NFU1: variants seen among roughly 807,000 people sequenced by gnomAD.
The protein encoded by NFU1 is NFU1 iron-sulfur cluster scaffold homolog, mitochondrial.
A neutral mutation model predicts 32.2 loss-of-function variants in NFU1; 30 were observed. The observed-to-expected ratio is 0.93, with a 90% CI of 0.70 to 1.26. NFU1 has a LOEUF of 1.26. NFU1 is among the 50% of genes most tolerant of loss of function. NFU1 has a pLI of 0.00. For missense variants in NFU1, 306 were observed against 306.6 expected (o/e 1.00, Z 0.02); for synonymous variants, 112 against 104.6 (o/e 1.07, Z -0.43).
intron 3 of NFU1, 93 bp downstream of exon 3, chr2:69,423,489 T>C (rs528941047): frequency 6.0e-5 from 70 of 1,172,526 alleles, no homozygotes; most frequent in African/African-American, 5.8e-4. Flanking sequence ...GCAGTGCACA[T>C]AGAAATGCAA....
At chr2:69,409,651 A>C (rs1394774761) in intron 5 of NFU1, among the ~76,000 whole-genome samples, 1 of 152,212 alleles carries the variant, frequency 6.6e-6, no homozygotes, top group Non-Finnish European at 1.5e-5. Context: ...CCATGGAAGA[A>C]GAAGGGGAGC....
At chr2:69,407,320 T>C (rs987508973) in intron 5 of NFU1, among the ~76,000 whole-genome samples, 1 of 152,144 alleles carries the variant, frequency 6.6e-6, no homozygotes, top group Non-Finnish European at 1.5e-5. Context: ...GGAGATTTCA[T>C]ATTACGTTAT....
chr2:69,416,877 G>A (rs942540233), intron 4 of NFU1, among the ~76,000 whole-genome samples: 11 of 152,084 alleles, frequency 7.2e-5, no homozygotes, highest in African/African-American at 2.7e-4. Flanking sequence ...CAGCCTGGGC[G>A]ACGGAGTGAG....
rs2104821589 is a variant in NFU1 at position 69,434,910 on chromosome 2, TA to T, written c.62+2450del. Among the ~76,000 whole-genome samples, 3 of 152,222 alleles carry T rather than the reference TA, an allele frequency of 2.0e-5. No individual in the cohort carries two copies. In the East Asian group the frequency reaches 5.8e-4, roughly 29 times the overall value. ...TGCTGACTGGTTGGGGATGCAATCA[TA>T]GGGGTGCGGAAAATGATCCTCCTGA... is the stretch of plus-strand genomic sequence containing the variant. On this transcript the variant is annotated intron_variant, in intron 1 of 7. Coordinates refer to ENST00000410022, the MANE Select transcript of NFU1 (RefSeq NM_001002755.4).
In NFU1 at chr2:69,431,730, TAC is replaced by T. The variant is rs573991427; in HGVS notation, c.166+170_166+171del. Among the ~76,000 whole-genome samples the T allele has an allele frequency of 2.9e-3, 445 of 152,360 alleles. 3 individuals carry two copies. Among genetic ancestry groups the T allele is most frequent in the African/African-American group, 8.4e-3 (350 of 41,588 alleles). On this transcript the variant is annotated intron_variant, in intron 2 of 7. Transcript: ENST00000410022. ...ATCTATTGGACAATATCCTTGCAAATACATTTTCTACTTAGAAGCCTATAAGA... is the reference window on the plus strand; with the variant it reads ...ATCTATTGGACAATATCCTTGCAAATATTTTCTACTTAGAAGCCTATAAGA...
At chr2:69,418,177 ATTGT>A (rs1673118765) in intron 4 of NFU1, among the ~76,000 whole-genome samples, 1 of 152,180 alleles carries the variant, frequency 6.6e-6, no homozygotes, top group African/African-American at 2.4e-5. Flanking sequence ...AGGTGAGCAG[ATTGT>A]TTGAGCTCAG....
intron 5 of NFU1, among the ~76,000 whole-genome samples, chr2:69,413,338 T>TTA (rs1553399300): frequency 4.4e-5 from 6 of 137,136 alleles, no homozygotes; most frequent in African/African-American, 8.0e-5. Flanking sequence ...AACATACGGG[T>TTA]AAAAAAAAAA....
chr2:69,438,895 A>AC (rs1158360032), upstream of NFU1, among the ~76,000 whole-genome samples: 3 of 27,402 alleles, frequency 1.1e-4, no homozygotes, highest in East Asian at 1.4e-3. Context: ...CCCCCATCCA[A>AC]CCCCCCACCC....
At chr2:69,398,628 A>G (rs910998498) in intron 7 of NFU1, among the ~76,000 whole-genome samples, 2 of 152,210 alleles carry the variant, frequency 1.3e-5, no homozygotes, top group African/African-American at 2.4e-5. Flanking sequence ...TGTCCTACAC[A>G]TATCTTCTGA....
At chr2:69,429,394 T>C (rs1673565107) in intron 2 of NFU1, among the ~76,000 whole-genome samples, 1 of 151,724 alleles carries the variant, frequency 6.6e-6, no homozygotes, top group South Asian at 2.1e-4. Flanking sequence ...ATCCTGTCTC[T>C]ACAAAAAAAT....
chr2:69,408,340 G>A (rs1383188456), intron 5 of NFU1, among the ~76,000 whole-genome samples: 1 of 151,990 alleles, frequency 6.6e-6, no homozygotes, highest in Admixed American at 6.6e-5. Flanking sequence ...ATATAGATTT[G>A]TCTTTGCCAG....
At chr2:69,433,687 G>C (rs1673728665) in intron 1 of NFU1, among the ~76,000 whole-genome samples, 1 of 152,136 alleles carries the variant, frequency 6.6e-6, no homozygotes, top group South Asian at 2.1e-4. Flanking sequence ...CGTTGGCCAG[G>C]CTGATCTCCA....
intron 2 of NFU1, among the ~76,000 whole-genome samples, chr2:69,428,058 A>G (rs1673523861): frequency 6.6e-6 from 1 of 152,064 alleles, no homozygotes; most frequent in Non-Finnish European, 1.5e-5. Context: ...GAACCTTCTG[A>G]GTAAAAAGAA....
intron 5 of NFU1, 143 bp from the exon 6 acceptor site, chr2:69,406,225 A>G (rs914690216): frequency 2.1e-5 from 13 of 607,670 alleles, no homozygotes; most frequent in Non-Finnish European, 3.2e-5. Context: ...GTATGGAGAT[A>G]TATTTTGGGA....
Position 69,397,721 on chromosome 2 carries a change from C to T in NFU1, c.721-1431G>A, listed in dbSNP as rs753154776. 2.6e-5 allele frequency among the ~76,000 whole-genome samples: 4 copies of T among 151,656 alleles called. No homozygotes were observed. In the East Asian group the frequency reaches 5.8e-4, roughly 22 times the overall value. On this transcript the variant is annotated intron_variant, in intron 7 of 7. Transcript: ENST00000410022. ...TGAGGTCAAGAGTTCAAGACCAGCC[C>T]GGTCAACATGGCGAAACCCCCATCT...
At chr2:69,437,439 T>A (rs1169332419), upstream of NFU1, 3 of 1,609,656 alleles carry the variant, frequency 1.9e-6, no homozygotes, top group East Asian at 2.2e-5. Context: ...CCGGAGTGCC[T>A]AAGGGTCTCC....
intron 3 of NFU1, among the ~76,000 whole-genome samples, chr2:69,423,373 G>A (rs1673330976): frequency 6.6e-6 from 1 of 151,362 alleles, no homozygotes; most frequent in African/African-American, 2.4e-5. Flanking sequence ...TCCCACTTCA[G>A]CCTTCCAAAG....
Position 69,423,677 on chromosome 2 carries a change from T to A in NFU1, c.207A>T (p.Pro69=). Residue 69 remains proline, a synonymous_variant, in exon 3 of 8, where the codon CCA becomes CCT. Coordinates refer to ENST00000410022, the MANE Select transcript of NFU1 (RefSeq NM_001002755.4). ...TTCCTGGTATAAACTTTAAGCTGTT[T>A]GGATTTGGGGTATCTTGTGTTTGAA... ...MFIQTQDTPN[P]NSLKFIPGKP... is the part of the protein sequence containing the mutation. 6.2e-7 allele frequency: 1 copy of A among 1,609,282 alleles called. No homozygotes were observed.
chr2:69,404,615 A>ATTTTTTTTTTTTTTTTTTTTTTTTGT (rs534309730), intron 6 of NFU1, among the ~76,000 whole-genome samples: 1 of 73,008 alleles, frequency 1.4e-5, no homozygotes, highest in Non-Finnish European at 2.5e-5. Context: ...ATCTTAGCAA[A>ATTTTTTTTTTTTTTTTTTTTTTTTGT]TTTTTTTTTT....
Sources: allele counts gnomAD v4.1 joint callset (sites outside exome capture counted in the v4.1 genomes callset), GRCh38; gene constraint gnomAD v4.1.1; transcripts MANE v1.5; gene names NCBI Gene and HGNC (gene_info 2026-07-23, HGNC 2026-07-21).